The following MLXIP variants were observed in gnomAD, a reference collection of about 807,000 sequenced individuals.
MLXIP encodes MLX-interacting protein.
Under a neutral mutation model 87.2 loss-of-function variants are expected in MLXIP, and 30 were observed. The ratio of observed to expected loss-of-function variants is 0.34; its 90% confidence interval spans 0.26 to 0.47. The LOEUF is 0.47. Among genes scored for constraint, MLXIP ranks in the 20% least tolerant of loss-of-function variants. The probability of loss-of-function intolerance (pLI) is 1.00; values close to 1 mark genes in which losing one functional copy is unlikely to be tolerated. For missense variants in MLXIP, 1,002 were observed against 1,240.1 expected (o/e 0.81, Z 2.88); for synonymous variants, 530 against 514.0 (o/e 1.03, Z -0.42).
At chr12:122,130,228 G>C in intron 6 of MLXIP, 116 bp downstream of exon 6, 2 of 1,075,856 alleles carry the variant, frequency 1.9e-6, no homozygotes, top group Non-Finnish European at 2.6e-6. Context: ...GTCACGGTTG[G>C]GGGCAGGCAG....
At chr12:122,136,484 C>T (rs918566030) in intron 11 of MLXIP, 8 of 127,220 alleles carry the variant, frequency 6.3e-5, no homozygotes, top group African/African-American at 2.5e-4. Flanking sequence ...AAAAAAAAAG[C>T]AGGGCTTAGT....
chr12:122,095,145 TGTGCGGTGTGGTGGTGTGTGTGGTGA>T (rs1165661273), intron 1 of MLXIP, among the ~76,000 whole-genome samples: 23,098 of 145,932 alleles, frequency 0.16, 2,184 homozygotes, highest in East Asian at 0.25. Context: ...GTGGTGTCTG[TGTGCGGTGTGGTGGTGTGTGTGGTGA>T]GTGCGGTGTG....
chr12:122,100,094 G>A (rs1952415415), intron 1 of MLXIP, among the ~76,000 whole-genome samples: 1 of 152,180 alleles, frequency 6.6e-6, no homozygotes, highest in African/African-American at 2.4e-5. Context: ...CTGCAGTGCA[G>A]GAGGAGTGTA....
chr12:122,083,216 G>A (rs1397767068), intron 1 of MLXIP, among the ~76,000 whole-genome samples: 1 of 152,090 alleles, frequency 6.6e-6, no homozygotes, highest in Non-Finnish European at 1.5e-5. Flanking sequence ...ATTTCAGGGA[G>A]CGTTGGTATG....
chr12:122,106,734 T>C (rs1952527356), intron 1 of MLXIP, among the ~76,000 whole-genome samples: 1 of 151,250 alleles, frequency 6.6e-6, no homozygotes, highest in African/African-American at 2.4e-5. Flanking sequence ...CCTGAGTAGC[T>C]GGGACTACAG....
intron 9 of MLXIP, chr12:122,134,344 G>A (rs1002010691): frequency 1.1e-5 from 3 of 265,870 alleles, no homozygotes; most frequent in Non-Finnish European, 2.1e-5. Flanking sequence ...ACAGGTGTGC[G>A]CCACTATACT....
chr12:122,118,708 C>T (rs1952730470), intron 1 of MLXIP, among the ~76,000 whole-genome samples: 1 of 151,320 alleles, frequency 6.6e-6, no homozygotes, highest in South Asian at 2.1e-4. Context: ...ATTAGCTGGG[C>T]GTGGTGGTAC....
intron 1 of MLXIP, among the ~76,000 whole-genome samples, chr12:122,081,912 C>T (rs1268536220): frequency 6.6e-6 from 1 of 152,234 alleles, no homozygotes; most frequent in African/African-American, 2.4e-5. Context: ...GTCTAACTCT[C>T]CGTGGTACAC....
rs1953135769 is a variant in MLXIP at position 122,138,507 on chromosome 12, C to T, written c.2340C>T (p.Ala780=). The change falls in exon 14 of 17, where the codon GCC becomes GCT. Residue 780 remains alanine, a synonymous_variant. Transcript: ENST00000319080. ...AGAGAGGCCAGATGCAGGAGGAGGCCCGGCGGCTGCGGGAGGAGATCGAGG... is the reference window on the plus strand; with the variant it reads ...AGAGAGGCCAGATGCAGGAGGAGGCTCGGCGGCTGCGGGAGGAGATCGAGG... ...QQERGQMQEE[A]RRLREEIEEL... 6.2e-7 allele frequency: 1 copy of T among 1,613,832 alleles called. No homozygotes were observed. The highest frequency in any genetic ancestry group is 8.5e-7 in the Non-Finnish European group (1 of 1,179,864).
Position 122,135,903 on chromosome 12 carries a change from C to A in MLXIP, c.2032+237C>A. On this transcript the variant is annotated intron_variant, in intron 11 of 16. Transcript: ENST00000319080. The surrounding 1 kb of genome is among the most constrained non-coding windows in gnomAD (Gnocchi z 5.3). ...TGAACATGTGGCAGTGTAGGTGACC[C>A]GTGTGCTCGGGGAGTCCCTGCTGAC... is the stretch of plus-strand genomic sequence containing the variant. 2 of 502,076 alleles carry A rather than the reference C, an allele frequency of 4.0e-6. No homozygotes were observed. The highest frequency in any genetic ancestry group is 3.4e-6 in the Non-Finnish European group (1 of 291,774). The allele number at this position is 502,076 out of a possible 1,614,324, so 31.1% of individuals were successfully genotyped here. A position where few individuals can be genotyped will look rare whatever the true frequency, so the allele number is the denominator to read the frequency against.
Position 122,135,814 on chromosome 12 carries a change from G to T in MLXIP, c.2032+148G>T, listed in dbSNP as rs902250205. Reference sequence around the variant, plus strand: ...GTCTTGTAGGCCTGCTGATAACACAGTCTGGGAACACGCTCTGTGGGTGGC... The same window carrying T: ...GTCTTGTAGGCCTGCTGATAACACATTCTGGGAACACGCTCTGTGGGTGGC... On this transcript the variant is annotated intron_variant, in intron 11 of 16. Transcript: ENST00000319080. The surrounding 1 kb of genome is among the most constrained non-coding windows in gnomAD (Gnocchi z 5.3). 7.2e-6 allele frequency: 7 copies of T among 966,706 alleles called. No homozygotes were observed. The highest frequency in any genetic ancestry group is 3.4e-5 in the African/African-American group (2 of 59,192). The allele number at this position is 966,706 out of a possible 1,614,324, so 59.9% of individuals were successfully genotyped here.
At chr12:122,091,906 T>G (rs1952250629) in intron 1 of MLXIP, among the ~76,000 whole-genome samples, 1 of 152,206 alleles carries the variant, frequency 6.6e-6, no homozygotes, top group African/African-American at 2.4e-5. Flanking sequence ...GGAGGAAATC[T>G]GGATTTAAGG....
Position 122,141,820 on chromosome 12 carries a change from G to T in MLXIP, c.*8G>T. On this transcript the variant is annotated 3_prime_UTR_variant, in exon 17 of 17. Coordinates refer to ENST00000319080, the MANE Select transcript of MLXIP (RefSeq NM_014938.6). The stretch of plus-strand genomic sequence containing the variant: ...AGATTGGGAGAGTCCTAGCTGCTTA[G>T]CTGGCATGTGGCCGCATGAGATGCC... 1 of 1,613,136 alleles carries T rather than the reference G, an allele frequency of 6.2e-7. No individual in the cohort carries two copies. Among genetic ancestry groups the T allele is most frequent in the South Asian group, 1.1e-5 (1 of 91,046 alleles).
At chr12:122,114,519 C>T (rs1952657078) in intron 1 of MLXIP, among the ~76,000 whole-genome samples, 1 of 152,174 alleles carries the variant, frequency 6.6e-6, no homozygotes, top group Non-Finnish European at 1.5e-5. Context: ...AGATGTCTGG[C>T]TAAGACCTTT....
At position 122,144,539 on chromosome 12, in the gene MLXIP, A is replaced by G. The variant is rs1222917229; in HGVS notation, c.*2727A>G. 1 of 152,106 alleles carries G rather than the reference A, an allele frequency of 6.6e-6. No individual in the cohort carries two copies. The highest frequency in any genetic ancestry group is 1.5e-5 in the Non-Finnish European group (1 of 68,056). 9.4% of individuals were successfully genotyped at this position (152,106 alleles called of 1,614,324 possible). ...CTAGAAGTTGCAGTGAGCTATGATCATGCCACACTGTACTCCAGCCTGGAT... is the reference window on the plus strand; with the variant it reads ...CTAGAAGTTGCAGTGAGCTATGATCGTGCCACACTGTACTCCAGCCTGGAT... On this transcript the variant is annotated 3_prime_UTR_variant, in exon 17 of 17. Coordinates refer to ENST00000319080, the MANE Select transcript of MLXIP (RefSeq NM_014938.6).
At chr12:122,099,050 C>T (rs1952397618) in intron 1 of MLXIP, among the ~76,000 whole-genome samples, 2 of 152,182 alleles carry the variant, frequency 1.3e-5, no homozygotes, top group South Asian at 4.1e-4. Context: ...CCAGCCTGGG[C>T]AACATAGCAA....
chr12:122,082,534 G>T (rs1332631880), intron 1 of MLXIP, among the ~76,000 whole-genome samples: 1 of 152,174 alleles, frequency 6.6e-6, no homozygotes, highest in Non-Finnish European at 1.5e-5. Flanking sequence ...GGGTTTAACG[G>T]GCTCCGCATA....
chr12:122,103,201 AT>A (rs1565965521), intron 1 of MLXIP, among the ~76,000 whole-genome samples: 4 of 14,214 alleles, frequency 2.8e-4, no homozygotes, highest in African/African-American at 5.8e-4. Context: ...GTATGTATGT[AT>A]TTATTTATTT....
chr12:122,141,786 A>C lies in MLXIP; in HGVS notation c.2734A>C (p.Ile912Leu). 1.2e-6 allele frequency: 2 copies of C among 1,613,814 alleles called. No homozygotes were observed. Among genetic ancestry groups the C allele is most frequent in the Non-Finnish European group, 1.7e-6 (2 of 1,179,886 alleles). The change falls in exon 17 of 17, where the codon ATT (isoleucine) becomes CTT (leucine). Residue 912 changes from isoleucine (I) to leucine (L), a missense_variant. Physicochemically the swap from Ile to Leu is conservative, Grantham distance 5 (BLOSUM62 2). Transcript: ENST00000319080. ...GCAGGCGTCCAAGGCTGTCACCAGG[A>C]TTGGCAAGAGATTGGGAGAGTCCTA... ...PEQASKAVTRIGKRLGES is the reference protein window; with the variant it reads ...PEQASKAVTRLGKRLGES
Sources: allele counts gnomAD v4.1 joint callset (sites outside exome capture counted in the v4.1 genomes callset), GRCh38; gene constraint gnomAD v4.1.1; non-coding constraint Gnocchi (gnomAD v3.1); transcripts MANE v1.5; gene names NCBI Gene and HGNC (gene_info 2026-07-23, HGNC 2026-07-21).